Variants in ADCK5 observed in about 807,000 individuals in gnomAD.
The protein encoded by ADCK5 is uncharacterized aarF domain-containing protein kinase 5.
A neutral mutation model predicts 64.9 loss-of-function variants in ADCK5; 43 were observed. The ratio of observed to expected loss-of-function variants is 0.66; its 90% CI spans 0.52 to 0.85. ADCK5 has a LOEUF of 0.85. Among genes scored for constraint, ADCK5 ranks in the 40% least tolerant of loss-of-function variants. The pLI is 0.00. For synonymous variants in ADCK5, 434 were observed against 342.8 expected, an observed-to-expected ratio of 1.27 and a Z score of -2.94; for missense variants, 760 against 810.5, an observed-to-expected ratio of 0.94 and a Z score of 0.76.
chr8:144,389,990 G>A (rs1291425826), intron 3 of ADCK5, among the ~76,000 whole-genome samples: 7 of 151,804 alleles, frequency 4.6e-5, no homozygotes, highest in African/African-American at 7.3e-5. Context: ...CACCACACCC[G>A]GCTAATTTTT....
rs549701939 is a variant in ADCK5 at position 144,379,085 on chromosome 8, C to T, written c.13-302C>T. 5.3e-5 allele frequency among the ~76,000 whole-genome samples: 8 copies of T among 151,904 alleles called. No homozygotes were observed. In the South Asian group the frequency reaches 1.7e-3, roughly 32 times the overall value. ...AGTAGCTGGGATTACGTACATGCAC[C>T]ACTATGCCCAACTAATTTTGTATTT... On this transcript the variant is annotated intron_variant, in intron 1 of 14. Coordinates refer to ENST00000308860, the MANE Select transcript of ADCK5 (RefSeq NM_174922.5).
intron 3 of ADCK5, among the ~76,000 whole-genome samples, chr8:144,388,119 G>A (rs931672078): frequency 6.6e-6 from 1 of 152,024 alleles, no homozygotes; most frequent in Non-Finnish European, 1.5e-5. Flanking sequence ...AAATGCTTTG[G>A]GAGGCCGAGG....
chr8:144,378,573 C>T (rs1177503151), intron 1 of ADCK5, among the ~76,000 whole-genome samples: 1 of 152,066 alleles, frequency 6.6e-6, no homozygotes, highest in African/African-American at 2.4e-5. Context: ...GGACAGCCTG[C>T]AGAACTGTGA....
chr8:144,391,346 C>T lies in ADCK5; in HGVS notation c.685-15C>T, dbSNP rs1554860484. 6.2e-7 allele frequency: 1 copy of T among 1,612,872 alleles called. No individual in the cohort carries two copies. Among genetic ancestry groups the T allele is most frequent in the Non-Finnish European group, 8.5e-7 (1 of 1,179,942 alleles). On this transcript the variant is annotated splice_polypyrimidine_tract_variant and intron_variant, in intron 6 of 14. Transcript: ENST00000308860. Reference sequence around the variant, plus strand: ...GTGGGGCCCCAAGTTCTCACCACACCCTCGCCCAGTGCAGGTGCAGTACAT... The same window carrying T: ...GTGGGGCCCCAAGTTCTCACCACACTCTCGCCCAGTGCAGGTGCAGTACAT...
At position 144,393,144 on chromosome 8, in the gene ADCK5, T is replaced by C; in HGVS notation, c.*70T>C. ...GACGGAGGTGGCGGGGCTAGAGGTG[T>C]AGACACCCCGAGCCCCGTGGGCACT... On this transcript the variant is annotated 3_prime_UTR_variant, in exon 15 of 15. Transcript: ENST00000308860. 3 of 1,424,790 alleles carry C rather than the reference T, an allele frequency of 2.1e-6. No homozygotes were observed. The highest frequency in any genetic ancestry group is 2.8e-6 in the Non-Finnish European group (3 of 1,076,774). 88.3% of individuals were successfully genotyped at this position (1,424,790 alleles called of 1,614,324 possible).
rs782534158 is a variant in ADCK5 at position 144,392,888 on chromosome 8, C to A, written c.1633C>A (p.Leu545Ile). 2 of 1,601,584 alleles carry A rather than the reference C, an allele frequency of 1.2e-6. No homozygotes were observed. Among genetic ancestry groups the A allele is most frequent in the Non-Finnish European group, 1.7e-6 (2 of 1,176,756 alleles). Residue 545 changes from leucine to isoleucine, a missense_variant, in exon 14 of 15, where the codon CTC becomes ATC. Physicochemically the swap from Leu to Ile is conservative, Grantham distance 5. Transcript: ENST00000308860. ...VWEMLKFEVA[L>I]RLETLAMRLT... The stretch of plus-strand genomic sequence containing the variant: ...GGAGATGCTCAAGTTTGAAGTGGCG[C>A]TCAGGTGAGTGGCCGCGGGGCAGGT...
chr8:144,386,287 C>CA (rs1158629932), intron 3 of ADCK5, among the ~76,000 whole-genome samples: 1 of 151,966 alleles, frequency 6.6e-6, no homozygotes, highest in African/African-American at 2.4e-5. Flanking sequence ...GCTGGGATTA[C>CA]AGGTGTGAGC....
In ADCK5 at chr8:144,384,032, C is replaced by G. The variant is rs1415460836; in HGVS notation, c.266+802C>G. ...TCAGCCTCCTGAGTAGCCGGGACTA[C>G]AGGTGCCCACCACCATGCCTGGCTA... is the stretch of plus-strand genomic sequence containing the variant. On this transcript the variant is annotated intron_variant, in intron 3 of 14. Coordinates refer to ENST00000308860, the MANE Select transcript of ADCK5 (RefSeq NM_174922.5). The surrounding 1 kb of genome is among the most constrained non-coding windows in gnomAD (Gnocchi z 5.7). Among the ~76,000 whole-genome samples the G allele has an allele frequency of 2.0e-5, 3 of 151,940 alleles. No individual in the cohort carries two copies. Among genetic ancestry groups the G allele is most frequent in the Non-Finnish European group, 2.9e-5 (2 of 68,004 alleles).
At chr8:144,382,507 T>C (rs1819721712) in intron 2 of ADCK5, among the ~76,000 whole-genome samples, 1 of 149,778 alleles carries the variant, frequency 6.7e-6, no homozygotes, top group African/African-American at 2.6e-5. Flanking sequence ...ATTGGGCTCC[T>C]GCTGTATTCA....
chr8:144,392,924 G>A, intron 14 of ADCK5, 32 bp downstream of exon 14: 4 of 1,591,006 alleles, frequency 2.5e-6, no homozygotes, highest in Non-Finnish European at 3.4e-6. Flanking sequence ...GGGTGGCGGG[G>A]GCCTGCTCCC....
In ADCK5 at chr8:144,391,115, T is replaced by C; in HGVS notation, c.544-19T>C. The C allele has an allele frequency of 6.2e-7, 1 of 1,610,520 alleles. No homozygotes were observed. The highest frequency in any genetic ancestry group is 8.5e-7 in the Non-Finnish European group (1 of 1,179,988). On this transcript the variant is annotated intron_variant, in intron 5 of 14. Transcript: ENST00000308860. ...CTCCAGCAGTGGCCCCAGGCTGCTCTGAGCACCTGTCCTTCCAGGTGGATG... is the reference window on the plus strand; with the variant it reads ...CTCCAGCAGTGGCCCCAGGCTGCTCCGAGCACCTGTCCTTCCAGGTGGATG...
Position 144,383,178 on chromosome 8 carries a change from C to G in ADCK5, c.214C>G (p.Arg72Gly). ...AGCCCGCTATGTCATGGCAGAGGCACGGGAGAAGAGGAGGATGCGGCTCGT... is the reference window on the plus strand; with the variant it reads ...AGCCCGCTATGTCATGGCAGAGGCAGGGGAGAAGAGGAGGATGCGGCTCGT... ...LGARYVMAEAREKRRMRLVVD... is the reference protein window; with the variant it reads ...LGARYVMAEAGEKRRMRLVVD... Residue 72 changes from arginine to glycine, a missense_variant, in exon 3 of 15, where the codon CGG becomes GGG. This residue lies in a region of ADCK5 where 427 missense variants were observed against 518.4 expected (regional missense o/e 0.82). Transcript: ENST00000308860. 2 of 1,601,064 alleles carry G rather than the reference C, an allele frequency of 1.2e-6. No homozygotes were observed. The highest frequency in any genetic ancestry group is 1.7e-6 in the Non-Finnish European group (2 of 1,173,772).
Position 144,392,602 on chromosome 8 carries a change from G to A in ADCK5, c.1425G>A (p.Arg475=). The change falls in exon 13 of 15, where the codon CGG becomes CGA. Residue 475 remains arginine, a synonymous_variant. Coordinates refer to ENST00000308860, the MANE Select transcript of ADCK5 (RefSeq NM_174922.5). ...TGGCGGTGCTCAGGGAGCTGCCGCGGCCCATGCTGCTGGTGCTGCGCAACA... is the reference window on the plus strand; with the variant it reads ...TGGCGGTGCTCAGGGAGCTGCCGCGACCCATGCTGCTGGTGCTGCGCAACA... ...AVMAVLRELP[R]PMLLVLRNIN... The A allele has an allele frequency of 1.3e-6, 2 of 1,582,422 alleles. No individual in the cohort carries two copies. Among genetic ancestry groups the A allele is most frequent in the African/African-American group, 1.3e-5 (1 of 74,634 alleles).
Position 144,384,885 on chromosome 8 carries a change from G to A in ADCK5, c.266+1655G>A, listed in dbSNP as rs1012653849. On this transcript the variant is annotated intron_variant, in intron 3 of 14. Transcript: ENST00000308860. The surrounding 1 kb of genome is among the most constrained non-coding windows in gnomAD (Gnocchi z 5.7). ...TGTTAATTTTCCCAGCAGTCTGCAC[G>A]TTCTCCTTGGCTCTAAGCCGTCACG... 4.6e-5 allele frequency among the ~76,000 whole-genome samples: 7 copies of A among 152,190 alleles called. No homozygotes were observed. The highest frequency in any genetic ancestry group is 9.7e-5 in the African/African-American group (4 of 41,448).
chr8:144,382,488 T>G (rs1345107926), intron 2 of ADCK5, among the ~76,000 whole-genome samples: 1 of 152,220 alleles, frequency 6.6e-6, no homozygotes, highest in Non-Finnish European at 1.5e-5. Flanking sequence ...CCTGCTGTAT[T>G]CAGGGAGTAT....
chr8:144,391,780 C>T lies in ADCK5; in HGVS notation c.931-3C>T. 1 of 1,547,474 alleles carries T rather than the reference C, an allele frequency of 6.5e-7. No individual in the cohort carries two copies. The highest frequency in any genetic ancestry group is 8.7e-7 in the Non-Finnish European group (1 of 1,152,448). ...GCTGAGCCCAGCCTCTTGCTCTCCC[C>T]AGCGCGTGCTCACTGCCGACTTCTG... is the stretch of plus-strand genomic sequence containing the variant. On this transcript the variant is annotated splice_polypyrimidine_tract_variant and splice_region_variant and intron_variant, in intron 8 of 14. Transcript: ENST00000308860.
rs537094118 is a variant in ADCK5 at position 144,374,257 on chromosome 8, G to A, written c.12+150G>A. 1.4e-4 allele frequency: 103 copies of A among 746,334 alleles called. No individual in the cohort carries two copies. The African/African-American group carries it at 1.8e-3, about 13-fold the overall frequency. 46.2% of individuals were successfully genotyped at this position (746,334 alleles called of 1,614,324 possible). ...CAGGGTCTCGCTCTGTCGCCCTGGA[G>A]CGCAGTGGTGCGATCTCCGCTCACC... On this transcript the variant is annotated intron_variant, in intron 1 of 14. Coordinates refer to ENST00000308860, the MANE Select transcript of ADCK5 (RefSeq NM_174922.5).
chr8:144,388,949 C>T (rs888917197), intron 3 of ADCK5, among the ~76,000 whole-genome samples: 19 of 152,154 alleles, frequency 1.2e-4, no homozygotes, highest in African/African-American at 3.4e-4. Flanking sequence ...CAGGCAGGTA[C>T]GTGAGCTTCA....
intron 4 of ADCK5, 21 bp downstream of exon 4, chr8:144,390,767 C>A (rs200877552): frequency 1.2e-6 from 2 of 1,612,202 alleles, no homozygotes; most frequent in Admixed American, 1.7e-5. Flanking sequence ...GTGCCCTGGG[C>A]ACACAGTGGT....
Sources: gnomAD v4.1 joint callset for allele counts (sites outside exome capture counted in the v4.1 genomes callset) on GRCh38, gnomAD v4.1.1 for gene constraint, gnomAD v4.1.1 regional missense constraint, Gnocchi (gnomAD v3.1) non-coding constraint, MANE v1.5 for transcripts, NCBI Gene and HGNC (gene_info 2026-07-23, HGNC 2026-07-21) for gene names.